The following KIAA0825 variants were observed in gnomAD, a reference collection of about 807,000 sequenced individuals.
The protein encoded by KIAA0825 is uncharacterized protein KIAA0825.
A neutral mutation model predicts 147.6 loss-of-function variants in KIAA0825; 119 were observed. That is an observed-to-expected ratio of 0.81 (90% CI 0.69 to 0.94). The LOEUF (loss-of-function observed/expected upper bound fraction) is 0.94. KIAA0825 is among the 40% of genes least tolerant of loss of function. KIAA0825 has a pLI of 0.00. For synonymous variants in KIAA0825, 470 were observed against 518.1 expected, an observed-to-expected ratio of 0.91 and a Z score of 1.26; for missense variants, 1,381 against 1,472.7, an observed-to-expected ratio of 0.94 and a Z score of 1.02.
chr5:94,448,318 G>C (rs1201418690), intron 13 of KIAA0825, among the ~76,000 whole-genome samples: 2 of 151,586 alleles, frequency 1.3e-5, no homozygotes, highest in Admixed American at 6.6e-5. Context: ...CAGGGTTCTA[G>C]GAGAATATGA....
intron 14 of KIAA0825, among the ~76,000 whole-genome samples, chr5:94,425,718 C>T (rs1361490582): frequency 6.6e-6 from 1 of 152,130 alleles, no homozygotes; most frequent in Non-Finnish European, 1.5e-5. Flanking sequence ...GTTTGTACTA[C>T]TTTACATTCC....
rs59886046 is a variant in KIAA0825, at chr5:94,379,844, C to CTTTTTTTTTT, written c.3710+4514_3710+4523dup. On this transcript the variant is annotated intron_variant, in intron 20 of 20. Coordinates refer to ENST00000682413, the MANE Select transcript of KIAA0825 (RefSeq NM_001145678.3). ...TAGCTGTATTCCTAGGTATTTTATTCTTTTTTTTTTTTTTTTTTTTTTTTT... is the reference window on the plus strand; with the variant it reads ...TAGCTGTATTCCTAGGTATTTTATTCTTTTTTTTTTTTTTTTTTTTTTTTTTTTTTTTTTT... Among the ~76,000 whole-genome samples, 3 of 55,724 alleles carry CTTTTTTTTTT rather than the reference C, an allele frequency of 5.4e-5. 1 individual carries two copies. Among genetic ancestry groups the CTTTTTTTTTT allele is most frequent in the African/African-American group, 2.6e-4 (3 of 11,406 alleles). The allele number at this position is 55,724 out of a possible 152,430, so 36.6% of individuals were successfully genotyped here.
At chr5:94,393,551 G>C (rs891292216) in intron 17 of KIAA0825, among the ~76,000 whole-genome samples, 5 of 152,158 alleles carry the variant, frequency 3.3e-5, no homozygotes, top group African/African-American at 1.2e-4. Flanking sequence ...CAAGTGAAAG[G>C]AATCTAGCTA....
intron 20 of KIAA0825, among the ~76,000 whole-genome samples, chr5:94,259,397 G>C (rs539812881): frequency 1.3e-5 from 2 of 152,104 alleles, no homozygotes; most frequent in East Asian, 3.9e-4. Context: ...CAACTTATTA[G>C]TAAGGTGAAT....
At chr5:94,543,054 C>G (rs1277904821) in intron 2 of KIAA0825, among the ~76,000 whole-genome samples, 1 of 152,124 alleles carries the variant, frequency 6.6e-6, no homozygotes, top group Non-Finnish European at 1.5e-5. Flanking sequence ...CTAATAGAGC[C>G]AGGAGTTCCA....
intron 14 of KIAA0825, among the ~76,000 whole-genome samples, chr5:94,427,300 G>T (rs1430118353): frequency 6.6e-6 from 1 of 152,108 alleles, no homozygotes; most frequent in Non-Finnish European, 1.5e-5. Flanking sequence ...TTGGGAGGTC[G>T]AGTAGGGAGG....
At chr5:94,276,700 A>C (rs986912830) in intron 20 of KIAA0825, among the ~76,000 whole-genome samples, 2 of 152,088 alleles carry the variant, frequency 1.3e-5, no homozygotes, top group Non-Finnish European at 2.9e-5. Flanking sequence ...TAGATTGATT[A>C]AGATTTAATT....
chr5:94,187,423 T>TTA (rs397729368), intron 20 of KIAA0825, among the ~76,000 whole-genome samples: 2 of 141,626 alleles, frequency 1.4e-5, no homozygotes, highest in South Asian at 2.2e-4. Flanking sequence ...TTTTTTTTTT[T>TTA]AATTTTTTTT....
At chr5:94,450,775 C>T (rs1234543263) in intron 13 of KIAA0825, among the ~76,000 whole-genome samples, 1 of 152,022 alleles carries the variant, frequency 6.6e-6, no homozygotes, top group Non-Finnish European at 1.5e-5. Context: ...CGTCAGAATC[C>T]CTACAAAGTT....
chr5:94,504,001 C>T (rs1765401884), intron 5 of KIAA0825, among the ~76,000 whole-genome samples: 1 of 152,092 alleles, frequency 6.6e-6, no homozygotes, highest in Non-Finnish European at 1.5e-5. Flanking sequence ...TAGACATGGA[C>T]CCAAAATGCA....
chr5:94,589,203 C>G (rs537954530), intron 1 of KIAA0825, among the ~76,000 whole-genome samples: 1 of 152,234 alleles, frequency 6.6e-6, no homozygotes, highest in South Asian at 2.1e-4. Flanking sequence ...TCCTGGGAAT[C>G]TTGTTAAACA....
chr5:94,211,967 A>G (rs1344213106), intron 20 of KIAA0825, among the ~76,000 whole-genome samples: 1 of 152,226 alleles, frequency 6.6e-6, no homozygotes, highest in Non-Finnish European at 1.5e-5. Context: ...GTGAGAGATT[A>G]TCTGATATAT....
chr5:94,460,942 T>C (rs1310417242), intron 12 of KIAA0825, among the ~76,000 whole-genome samples: 2 of 152,018 alleles, frequency 1.3e-5, no homozygotes, highest in African/African-American at 2.4e-5. Context: ...GCAATATAGT[T>C]ATCTATGTTT....
At chr5:94,498,544 T>C (rs1315353715) in intron 5 of KIAA0825, among the ~76,000 whole-genome samples, 1 of 152,224 alleles carries the variant, frequency 6.6e-6, no homozygotes. Flanking sequence ...TAATTGTTGT[T>C]TAATTATTTA....
chr5:94,321,173 G>C (rs1173502475), intron 20 of KIAA0825, among the ~76,000 whole-genome samples: 1 of 151,936 alleles, frequency 6.6e-6, no homozygotes, highest in South Asian at 2.1e-4. Flanking sequence ...AATGCCAAGG[G>C]TAAGGAGTTC....
At chr5:94,390,252 C>T (rs1459256066) in intron 18 of KIAA0825, among the ~76,000 whole-genome samples, 2 of 152,144 alleles carry the variant, frequency 1.3e-5, no homozygotes, top group African/African-American at 2.4e-5. Flanking sequence ...CCAGGTTTAC[C>T]ATCCTCAGAG....
intron 2 of KIAA0825, among the ~76,000 whole-genome samples, chr5:94,555,461 G>A (rs1020164196): frequency 2.0e-4 from 30 of 151,998 alleles, no homozygotes; most frequent in African/African-American, 7.0e-4. Flanking sequence ...TATCTGGTAA[G>A]TACTCGTATT....
chr5:94,306,481 A>C (rs888844207), intron 20 of KIAA0825, among the ~76,000 whole-genome samples: 1 of 151,838 alleles, frequency 6.6e-6, no homozygotes, highest in African/African-American at 2.4e-5. Context: ...TACTTTTTTC[A>C]CACGGGAGAA....
intron 13 of KIAA0825, among the ~76,000 whole-genome samples, chr5:94,450,627 A>T (rs1272426971): frequency 6.6e-6 from 1 of 151,924 alleles, no homozygotes; most frequent in Non-Finnish European, 1.5e-5. Flanking sequence ...TCCATTTAAG[A>T]TGGAAAAACC....
Sources: allele counts gnomAD v4.1 joint callset (sites outside exome capture counted in the v4.1 genomes callset), GRCh38; gene constraint gnomAD v4.1.1; transcripts MANE v1.5; gene names NCBI Gene and HGNC (gene_info 2026-07-23, HGNC 2026-07-21).